The following GRIN3A variants were observed in gnomAD, a reference collection of about 807,000 sequenced individuals.
The protein encoded by GRIN3A is glutamate ionotropic receptor NMDA type subunit 3A.
A neutral mutation model predicts 92.4 loss-of-function variants in GRIN3A; 47 were observed. That is an observed-to-expected ratio of 0.51 (90% CI 0.40 to 0.65). The LOEUF (loss-of-function observed/expected upper bound fraction) is 0.65. Ranked by LOEUF, GRIN3A falls within the 30% of genes least tolerant of loss-of-function variation. GRIN3A has a pLI of 0.00. For synonymous variants in GRIN3A, 527 were observed against 540.6 expected, an observed-to-expected ratio of 0.97 and a Z score of 0.35; for missense variants, 1,324 against 1,393.1, an observed-to-expected ratio of 0.95 and a Z score of 0.79.
chr9:101,689,741 CAT>C (rs1378987319), intron 1 of GRIN3A, among the ~76,000 whole-genome samples: 30 of 133,692 alleles, frequency 2.2e-4, no homozygotes, highest in African/African-American at 6.1e-4. Flanking sequence ...CACACACACA[CAT>C]ACACACACAC....
chr9:101,647,603 C>T (rs867115325), intron 3 of GRIN3A, among the ~76,000 whole-genome samples: 59 of 151,822 alleles, frequency 3.9e-4, no homozygotes, highest in African/African-American at 1.2e-3. Context: ...GGTTGAATTC[C>T]GCAGTGAAAT....
At chr9:101,652,092 C>T (rs1829022319) in intron 3 of GRIN3A, among the ~76,000 whole-genome samples, 1 of 152,044 alleles carries the variant, frequency 6.6e-6, no homozygotes, top group African/African-American at 2.4e-5. Flanking sequence ...AAAGGTTTTA[C>T]ATACATTATT....
chr9:101,595,026 G>A (rs2118815878), intron 6 of GRIN3A: 3 of 1,331,430 alleles, frequency 2.3e-6, no homozygotes, highest in South Asian at 1.4e-5. Flanking sequence ...TGGGGTGGGG[G>A]TAGAGGGCTC....
At chr9:101,727,499 T>G (rs1830094645) in intron 1 of GRIN3A, among the ~76,000 whole-genome samples, 1 of 152,200 alleles carries the variant, frequency 6.6e-6, no homozygotes, top group Admixed American at 6.5e-5. Flanking sequence ...TCCTTATGAA[T>G]GAAAGTGACA....
intron 4 of GRIN3A, among the ~76,000 whole-genome samples, chr9:101,626,353 G>C (rs983872382): frequency 6.6e-6 from 1 of 152,204 alleles, no homozygotes; most frequent in Admixed American, 6.5e-5. Flanking sequence ...GGAGAATTTT[G>C]ATGGGAGAGG....
At position 101,683,847 on chromosome 9, in the gene GRIN3A, T is replaced by TGAGAGA. The variant is rs55960998; in HGVS notation, c.1304+2743_1304+2748dup. On this transcript the variant is annotated intron_variant, in intron 2 of 8. Transcript: ENST00000361820. ...CATAAGGAGAGAGAGAGAGAGACAGTGAGAGAGAGAGAGAGAGAGAGAGAG... is the reference window on the plus strand; with the variant it reads ...CATAAGGAGAGAGAGAGAGAGACAGTGAGAGAGAGAGAGAGAGAGAGAGAGAGAGAG... Among the ~76,000 whole-genome samples the TGAGAGA allele has an allele frequency of 8.3e-4, 113 of 136,290 alleles. 3 individuals carry two copies. The highest frequency in any genetic ancestry group is 3.0e-3 in the Admixed American group (42 of 13,830). 89.4% of individuals were successfully genotyped at this position (136,290 alleles called of 152,430 possible).
chr9:101,617,085 A>G (rs1828467977), intron 5 of GRIN3A, among the ~76,000 whole-genome samples: 1 of 149,688 alleles, frequency 6.7e-6, no homozygotes. Context: ...CTGTAGTCGC[A>G]GCTACTCGGG....
At chr9:101,609,429 C>T (rs1490250092) in intron 6 of GRIN3A, among the ~76,000 whole-genome samples, 1 of 152,160 alleles carries the variant, frequency 6.6e-6, no homozygotes, top group Non-Finnish European at 1.5e-5. Flanking sequence ...TTATCATACC[C>T]ATTCATAGAT....
intron 1 of GRIN3A, among the ~76,000 whole-genome samples, chr9:101,705,785 T>G (rs1297572705): frequency 4.6e-5 from 7 of 152,358 alleles, no homozygotes; most frequent in African/African-American, 1.7e-4. Context: ...GATGCATGTT[T>G]ATGGTGTGCC....
intron 5 of GRIN3A, among the ~76,000 whole-genome samples, chr9:101,615,989 A>C (rs1265351757): frequency 6.6e-6 from 1 of 152,216 alleles, no homozygotes; most frequent in East Asian, 1.9e-4. Context: ...TTGTAATGAA[A>C]TAATAATTAT....
chr9:101,577,652 C>A, intron 8 of GRIN3A, 116 bp downstream of exon 8: 1 of 810,056 alleles, frequency 1.2e-6, no homozygotes, highest in South Asian at 1.4e-5. Context: ...TTATTTCCCT[C>A]TATTTATACT....
chr9:101,606,930 T>TTTG (rs1828292633), intron 6 of GRIN3A, among the ~76,000 whole-genome samples: 1 of 130,790 alleles, frequency 7.6e-6, no homozygotes, highest in South Asian at 2.5e-4. Flanking sequence ...TTTTTTTTTT[T>TTTG]GCTGAGTCAA....
intron 1 of GRIN3A, among the ~76,000 whole-genome samples, chr9:101,707,264 A>G (rs973102481): frequency 5.3e-5 from 8 of 152,240 alleles, no homozygotes; most frequent in Non-Finnish European, 1.0e-4. Context: ...TTCTTTGTCC[A>G]TGATAATGGT....
chr9:101,737,259 C>T lies in GRIN3A; in HGVS notation c.699+22G>A, dbSNP rs1050940924. On this transcript the variant is annotated intron_variant, in intron 1 of 8. Transcript: ENST00000361820. ...GCCCCCAGCAGCGCCCATCTCCACT[C>T]CACGCACCAGGCTCCTCTCACCTGA... The T allele has an allele frequency of 6.2e-6, 10 of 1,607,496 alleles. No individual in the cohort carries two copies. In the African/African-American group the frequency reaches 9.4e-5, roughly 15 times the overall value.
chr9:101,705,022 G>A (rs187347447), intron 1 of GRIN3A, among the ~76,000 whole-genome samples: 2 of 152,020 alleles, frequency 1.3e-5, no homozygotes, highest in Non-Finnish European at 2.9e-5. Flanking sequence ...AAGGAAGGGG[G>A]GGCAGGGAAA....
chr9:101,723,490 G>A (rs1830040487), intron 1 of GRIN3A, among the ~76,000 whole-genome samples: 2 of 152,176 alleles, frequency 1.3e-5, no homozygotes, highest in Non-Finnish European at 2.9e-5. Context: ...TTATTGCAAA[G>A]AGCGAAAGAA....
chr9:101,625,254 T>C (rs546491241), intron 4 of GRIN3A, among the ~76,000 whole-genome samples: 53 of 152,282 alleles, frequency 3.5e-4, no homozygotes, highest in African/African-American at 1.2e-3. Flanking sequence ...CCAAACAGCT[T>C]TGCAAAAAGA....
chr9:101,708,109 A>T (rs1201281948), intron 1 of GRIN3A, among the ~76,000 whole-genome samples: 3 of 152,204 alleles, frequency 2.0e-5, no homozygotes, highest in Non-Finnish European at 4.4e-5. Flanking sequence ...TACAATTTAG[A>T]TGAAGAGTGC....
chr9:101,585,363 A>T (rs1827936772), intron 6 of GRIN3A, among the ~76,000 whole-genome samples: 1 of 152,156 alleles, frequency 6.6e-6, no homozygotes, highest in Non-Finnish European at 1.5e-5. Flanking sequence ...TCATGTTCTC[A>T]TTCAGAGTCA....
Sources: gnomAD v4.1 joint callset for allele counts (sites outside exome capture counted in the v4.1 genomes callset) on GRCh38, gnomAD v4.1.1 for gene constraint, MANE v1.5 for transcripts, NCBI Gene and HGNC (gene_info 2026-07-23, HGNC 2026-07-21) for gene names.